The following LARGE1 variants were observed in gnomAD, a reference collection of about 807,000 sequenced individuals.
The protein encoded by LARGE1 is LARGE xylosyl- and glucuronyltransferase 1.
A neutral mutation model predicts 87.6 loss-of-function variants in LARGE1; 43 were observed. That is an observed-to-expected ratio of 0.49 (90% confidence interval 0.38 to 0.63). The LOEUF is 0.63. LARGE1 is among the 30% of genes least tolerant of loss of function. The pLI is 0.00. For synonymous variants in LARGE1, 434 were observed against 394.6 expected (o/e 1.10, Z -1.18); for missense variants, 802 against 1,000.2 (o/e 0.80, Z 2.67).
At chr22:33,335,054 C>A (rs754495799) in intron 10 of LARGE1, among the ~76,000 whole-genome samples, 6 of 152,228 alleles carry the variant, frequency 3.9e-5, no homozygotes, top group African/African-American at 9.6e-5. Flanking sequence ...TGCACTGATA[C>A]AAATGATTAA....
At chr22:33,332,497 GGA>G (rs1401901189) in intron 10 of LARGE1, among the ~76,000 whole-genome samples, 2 of 152,134 alleles carry the variant, frequency 1.3e-5, no homozygotes, top group African/African-American at 4.8e-5. Flanking sequence ...GTGGATGAAA[GGA>G]GTCTTAAGTC....
At chr22:33,281,707 G>A (rs1204941488) in intron 13 of LARGE1, among the ~76,000 whole-genome samples, 2 of 152,136 alleles carry the variant, frequency 1.3e-5, no homozygotes, top group African/African-American at 4.8e-5. Flanking sequence ...AACTCTTCCA[G>A]GCCACTTTCC....
At chr22:33,516,821 T>A (rs1331012406) in intron 6 of LARGE1, among the ~76,000 whole-genome samples, 1 of 152,120 alleles carries the variant, frequency 6.6e-6, no homozygotes, top group Non-Finnish European at 1.5e-5. Context: ...CTTGACCTTG[T>A]GATGCGCCCA....
the LARGE1 span, among the ~76,000 whole-genome samples, chr22:33,069,514 A>G: frequency 6.6e-6 from 1 of 152,150 alleles, no homozygotes; most frequent in African/African-American, 2.4e-5. Flanking sequence ...TACTCACCAC[A>G]TGATCACTGC....
chr22:33,869,284 T>C (rs1222464172), intron 1 of LARGE1, among the ~76,000 whole-genome samples: 1 of 152,136 alleles, frequency 6.6e-6, no homozygotes, highest in Non-Finnish European at 1.5e-5. Context: ...CCCCAGGCCC[T>C]GACCCAAAAC....
chr22:33,686,159 G>A (rs2081937102), intron 2 of LARGE1, among the ~76,000 whole-genome samples: 1 of 152,118 alleles, frequency 6.6e-6, no homozygotes, highest in Non-Finnish European at 1.5e-5. Context: ...AGAGATATGT[G>A]GGTTGGGCTC....
chr22:33,329,584 G>T (rs1419557825), intron 10 of LARGE1, among the ~76,000 whole-genome samples: 2 of 152,012 alleles, frequency 1.3e-5, no homozygotes, highest in African/African-American at 4.8e-5. Context: ...GCCATTTCCT[G>T]CCAGGTTAAA....
chr22:33,412,974 G>A (rs1424154064), intron 7 of LARGE1, among the ~76,000 whole-genome samples: 1 of 152,024 alleles, frequency 6.6e-6, no homozygotes, highest in East Asian at 1.9e-4. Context: ...ATTTTTAATA[G>A]TGGCTATGTT....
Position 33,289,044 on chromosome 22 carries a change from C to T in LARGE1, c.1731-5696G>A, listed in dbSNP as rs188464072. On this transcript the variant is annotated intron_variant, in intron 12 of 14. Transcript: ENST00000397394. ...TGCGATCTCGGCTCACTGCAAGCTCCGCCTCCCGGGTTCACGCCATTCTCC... is the reference window on the plus strand; with the variant it reads ...TGCGATCTCGGCTCACTGCAAGCTCTGCCTCCCGGGTTCACGCCATTCTCC... 5.9e-3 allele frequency among the ~76,000 whole-genome samples: 894 copies of T among 152,046 alleles called. 11 individuals are homozygous for T. The highest frequency in any genetic ancestry group is 0.019 in the African/African-American group (792 of 41,448).
intron 11 of LARGE1, among the ~76,000 whole-genome samples, chr22:33,235,807 C>A (rs548221719): frequency 2.4e-4 from 36 of 152,222 alleles, no homozygotes; most frequent in African/African-American, 8.4e-4. Flanking sequence ...AATCACAAGA[C>A]CTGCTCAGAT....
At chr22:33,465,642 G>A (rs953846709) in intron 6 of LARGE1, among the ~76,000 whole-genome samples, 1 of 152,168 alleles carries the variant, frequency 6.6e-6, no homozygotes, top group East Asian at 1.9e-4. Context: ...CTATTCACAC[G>A]TCCATCTTCC....
At chr22:33,523,762 T>C (rs867969979) in intron 6 of LARGE1, among the ~76,000 whole-genome samples, 1 of 152,186 alleles carries the variant, frequency 6.6e-6, no homozygotes, top group South Asian at 2.1e-4. Context: ...TAACAATAGA[T>C]GCATATGAAA....
intron 2 of LARGE1, among the ~76,000 whole-genome samples, chr22:33,661,562 T>C (rs138406116): frequency 6.6e-6 from 1 of 152,106 alleles, no homozygotes; most frequent in African/African-American, 2.4e-5. Flanking sequence ...CAATAATGTC[T>C]GGTTTGGGTT....
At chr22:33,088,069 AAC>A in the LARGE1 span, among the ~76,000 whole-genome samples, 8 of 133,986 alleles carry the variant, frequency 6.0e-5, no homozygotes, top group East Asian at 2.9e-4. Flanking sequence ...CACACACACA[AAC>A]ACACACACAC....
intron 12 of LARGE1, among the ~76,000 whole-genome samples, chr22:33,286,067 C>T (rs1931473142): frequency 6.6e-6 from 1 of 152,178 alleles, no homozygotes; most frequent in Non-Finnish European, 1.5e-5. Context: ...CACCACTATT[C>T]CAGAGGAGGT....
chr22:33,187,958 A>G (rs4441570), intron 11 of LARGE1, among the ~76,000 whole-genome samples: 59,412 of 107,270 alleles, frequency 0.55, 17,382 homozygotes, highest in Middle Eastern at 0.6. Flanking sequence ...AAAAAAAAAA[A>G]AATCACTAAG....
chr22:33,283,438 G>C (rs1569011439), intron 12 of LARGE1, 90 bp from the exon 13 acceptor site: 1 of 1,414,046 alleles, frequency 7.1e-7, no homozygotes, highest in African/African-American at 1.4e-5. Flanking sequence ...CATTGGCCCG[G>C]GGAAGTGTGG....
intron 11 of LARGE1, among the ~76,000 whole-genome samples, chr22:33,256,730 T>C (rs1052870847): frequency 6.6e-6 from 1 of 152,246 alleles, no homozygotes; most frequent in African/African-American, 2.4e-5. Context: ...ACCTTCACCC[T>C]AGCCTCATGC....
chr22:33,914,654 C>T (rs2065731136), intron 1 of LARGE1, among the ~76,000 whole-genome samples: 1 of 152,132 alleles, frequency 6.6e-6, no homozygotes, highest in African/African-American at 2.4e-5. Context: ...ATTTGCAGTG[C>T]TTTATATTTC....
Sources: allele counts gnomAD v4.1 joint callset (sites outside exome capture counted in the v4.1 genomes callset), GRCh38; gene constraint gnomAD v4.1.1; transcripts MANE v1.5; gene names NCBI Gene and HGNC (gene_info 2026-07-23, HGNC 2026-07-21).